GRM4: variants seen among roughly 807,000 people sequenced by gnomAD.
GRM4 encodes glutamate metabotropic receptor 4.
GRM4 carries 28 observed loss-of-function variants against 81.7 expected under a neutral mutation model. The ratio of observed to expected loss-of-function variants is 0.34; its 90% CI spans 0.25 to 0.47. The LOEUF is 0.47. Among genes scored for constraint, GRM4 ranks in the 20% least tolerant of loss-of-function variants. GRM4 has a pLI of 1.00. For synonymous variants in GRM4, 488 were observed against 528.8 expected (o/e 0.92, Z 1.06); for missense variants, 948 against 1,290.0 (o/e 0.73, Z 4.06).
chr6:34,125,564 A>C (rs1769991011), intron 2 of GRM4, among the ~76,000 whole-genome samples: 1 of 152,242 alleles, frequency 6.6e-6, no homozygotes, highest in African/African-American at 2.4e-5. Context: ...GCTAGGCTTG[A>C]GAGCAACTAG....
At chr6:34,049,665 A>G (rs1289098519) in intron 6 of GRM4, among the ~76,000 whole-genome samples, 1 of 151,824 alleles carries the variant, frequency 6.6e-6, no homozygotes, top group African/African-American at 2.4e-5. Context: ...CGCCCACCCC[A>G]TCGTAGTGCG....
At chr6:34,123,278 T>C (rs1041785724) in intron 2 of GRM4, among the ~76,000 whole-genome samples, 1 of 152,012 alleles carries the variant, frequency 6.6e-6, no homozygotes, top group African/African-American at 2.4e-5. Flanking sequence ...GGTCAGTAAG[T>C]CCCCATGCAA....
chr6:34,151,267 A>G (rs1771038955), intron 1 of GRM4, among the ~76,000 whole-genome samples: 1 of 152,208 alleles, frequency 6.6e-6, no homozygotes, highest in Non-Finnish European at 1.5e-5. Context: ...ACAAATTGTT[A>G]AATGAATGAA....
At chr6:34,102,373 C>T (rs560535568) in intron 2 of GRM4, among the ~76,000 whole-genome samples, 10 of 152,330 alleles carry the variant, frequency 6.6e-5, no homozygotes, top group African/African-American at 2.2e-4. Flanking sequence ...CTCACTGACT[C>T]GGCTCCAGTC....
intron 6 of GRM4, among the ~76,000 whole-genome samples, chr6:34,052,930 G>A (rs1765684591): frequency 6.6e-6 from 1 of 152,202 alleles, no homozygotes; most frequent in South Asian, 2.1e-4. Context: ...CCTTCAGGAT[G>A]GCACATTCTT....
intron 1 of GRM4, among the ~76,000 whole-genome samples, chr6:34,141,238 G>A (rs2127516627): frequency 6.6e-6 from 1 of 152,228 alleles, no homozygotes; most frequent in African/African-American, 2.4e-5. Flanking sequence ...CCCAGCCCGG[G>A]GAGAGCAGCT....
intron 10 of GRM4, among the ~76,000 whole-genome samples, chr6:34,023,137 G>C (rs1296135514): frequency 1.3e-5 from 2 of 152,204 alleles, no homozygotes. Flanking sequence ...TGGGCTGCTT[G>C]CCTGGAGTGC....
chr6:34,103,784 C>G (rs576193492), intron 2 of GRM4: 408 of 1,448,780 alleles, frequency 2.8e-4, no homozygotes, highest in Non-Finnish European at 3.3e-4. Flanking sequence ...AAGTCACCTC[C>G]TTTGTGAGCC....
intron 2 of GRM4, among the ~76,000 whole-genome samples, chr6:34,125,695 C>A (rs1045062490): frequency 6.6e-6 from 1 of 152,272 alleles, no homozygotes; most frequent in African/African-American, 2.4e-5. Context: ...GCTCCTGGGG[C>A]TGCCCAATGC....
chr6:34,044,801 TAC>T (rs1196665120), intron 6 of GRM4, among the ~76,000 whole-genome samples: 5 of 141,978 alleles, frequency 3.5e-5, no homozygotes, highest in Non-Finnish European at 7.6e-5. Flanking sequence ...CATACATACA[TAC>T]ACATATATAG....
rs1039590535 is a variant in GRM4 at position 34,069,850 on chromosome 6, A to G, written c.737-7822T>C. 6.6e-6 allele frequency among the ~76,000 whole-genome samples: 1 copy of G among 152,096 alleles called. No individual in the cohort carries two copies. The highest frequency in any genetic ancestry group is 1.5e-5 in the Non-Finnish European group (1 of 67,986). On this transcript the variant is annotated intron_variant, in intron 3 of 10. Coordinates refer to ENST00000538487, the MANE Select transcript of GRM4 (RefSeq NM_000841.4). This position sits in a 1 kb window ranked among gnomAD's most constrained non-coding sequence, Gnocchi z 6.4. ...CTCTGCACATGCTGCTCCCTCTGCC[A>G]GGAGCACCCCCACCTCAGCTGCTCA...
intron 2 of GRM4, chr6:34,110,608 G>C (rs1769333706): frequency 1.3e-6 from 1 of 768,700 alleles, no homozygotes; most frequent in Non-Finnish European, 2.1e-6. Context: ...GAATATCTCA[G>C]CCACAGCAGC....
chr6:34,103,516 G>A lies in GRM4; in HGVS notation c.520-11417C>T, dbSNP rs1420565029. On this transcript the variant is annotated intron_variant, in intron 2 of 10. Coordinates refer to ENST00000538487, the MANE Select transcript of GRM4 (RefSeq NM_000841.4). ...GGGCGGCGGGCGAGGGAGAGCAAAC[G>A]CGATCCTCAAATCAGCACTTGTCCT... 3.1e-5 allele frequency: 40 copies of A among 1,299,796 alleles called. 1 individual carries two copies. Among genetic ancestry groups the A allele is most frequent in the Middle Eastern group, 1.8e-4 (1 of 5,548 alleles). 80.5% of individuals were successfully genotyped at this position (1,299,796 alleles called of 1,614,324 possible). A position where few individuals can be genotyped will look rare whatever the true frequency, so the allele number is the denominator to read the frequency against.
At chr6:34,117,099 AG>A (rs1476766770) in intron 2 of GRM4, among the ~76,000 whole-genome samples, 2 of 152,246 alleles carry the variant, frequency 1.3e-5, no homozygotes, top group Non-Finnish European at 2.9e-5. Context: ...CATTTATAAA[AG>A]TTCAACAAGT....
At chr6:34,104,205 G>A (rs1037406052) in intron 2 of GRM4, among the ~76,000 whole-genome samples, 2 of 152,264 alleles carry the variant, frequency 1.3e-5, no homozygotes, top group Admixed American at 1.3e-4. Flanking sequence ...AGAGCTGGGG[G>A]CAGCCCAGGG....
At chr6:34,107,107 AG>A (rs1330316657) in intron 2 of GRM4, among the ~76,000 whole-genome samples, 2 of 152,192 alleles carry the variant, frequency 1.3e-5, no homozygotes, top group Non-Finnish European at 2.9e-5. Flanking sequence ...CTCAGGCTGC[AG>A]GGGGTATCTC....
intron 2 of GRM4, among the ~76,000 whole-genome samples, chr6:34,120,715 A>G (rs1352730733): frequency 6.6e-6 from 1 of 152,034 alleles, no homozygotes; most frequent in Non-Finnish European, 1.5e-5. Context: ...TCCACACACG[A>G]GCACATCATG....
At chr6:34,037,303 T>C (rs2127444106) in intron 8 of GRM4, among the ~76,000 whole-genome samples, 1 of 152,334 alleles carries the variant, frequency 6.6e-6, no homozygotes, top group South Asian at 2.1e-4. Flanking sequence ...CTGTGAGCAA[T>C]AGAGCCACAC....
In GRM4 at chr6:34,080,747, C is replaced by T. The variant is rs1181975743; in HGVS notation, c.736+11136G>A. 6.6e-6 allele frequency among the ~76,000 whole-genome samples: 1 copy of T among 151,976 alleles called. No individual in the cohort carries two copies. The highest frequency in any genetic ancestry group is 2.4e-5 in the African/African-American group (1 of 41,346). ...CTCCCAGACCACTTTCAGAAAGGGG[C>T]CGTCACAGCTCATACTTGGTCACGC... is the stretch of plus-strand genomic sequence containing the variant. On this transcript the variant is annotated intron_variant, in intron 3 of 10. Transcript: ENST00000538487. The surrounding 1 kb of genome is among the most constrained non-coding windows in gnomAD (Gnocchi z 5.4).
Sources: gnomAD v4.1 joint callset for allele counts (sites outside exome capture counted in the v4.1 genomes callset) on GRCh38, gnomAD v4.1.1 for gene constraint, Gnocchi (gnomAD v3.1) non-coding constraint, MANE v1.5 for transcripts, NCBI Gene and HGNC (gene_info 2026-07-23, HGNC 2026-07-21) for gene names.